Variants in ESR2 observed in about 807,000 individuals in gnomAD.
The protein encoded by ESR2 is estrogen receptor 2, also known as estrogen receptor beta.
Under a neutral mutation model 49.6 loss-of-function variants are expected in ESR2, and 36 were observed. That is an observed-to-expected ratio of 0.73 (90% CI 0.56 to 0.96). The LOEUF (loss-of-function observed/expected upper bound fraction) is 0.96. ESR2 is among the 40% of genes least tolerant of loss of function. The pLI, the probability that ESR2 is intolerant of heterozygous loss-of-function variation, is 0.00. For missense variants in ESR2, 714 were observed against 693.0 expected (o/e 1.03, Z -0.34); for synonymous variants, 320 against 266.1 (o/e 1.20, Z -1.97).
At chr14:64,240,351 T>C (rs1244599295) in intron 7 of ESR2, among the ~76,000 whole-genome samples, 1 of 152,248 alleles carries the variant, frequency 6.6e-6, no homozygotes, top group African/African-American at 2.4e-5. Context: ...TAACATGGAA[T>C]AGAGAAGTTC....
chr14:64,233,077 C>A lies in ESR2; in HGVS notation c.*60G>T. The A allele has an allele frequency of 6.4e-7, 1 of 1,571,680 alleles. No individual in the cohort carries two copies. Among genetic ancestry groups the A allele is most frequent in the Non-Finnish European group, 8.7e-7 (1 of 1,154,606 alleles). On this transcript the variant is annotated 3_prime_UTR_variant, in exon 9 of 9. Coordinates refer to ENST00000341099, the MANE Select transcript of ESR2 (RefSeq NM_001437.3). ...AAAGATGAAGCCCAGGCTCCTGACA[C>A]ACTGGAGTTCACGCTTCAGCCTGTG...
intron 1 of ESR2, among the ~76,000 whole-genome samples, chr14:64,319,272 T>G (rs2077297028): frequency 6.6e-6 from 1 of 151,962 alleles, no homozygotes; most frequent in African/African-American, 2.4e-5. Context: ...TCACAAAAAC[T>G]AACTCAAAAT....
intron 1 of ESR2, among the ~76,000 whole-genome samples, chr14:64,309,787 T>C (rs2077162361): frequency 6.6e-6 from 1 of 151,828 alleles, no homozygotes; most frequent in Non-Finnish European, 1.5e-5. Context: ...TTGACTAACA[T>C]GGTGAAAGCT....
Position 64,232,683 on chromosome 14 carries a change from G to C in ESR2, c.*454C>G, listed in dbSNP as rs957475574. 4 of 157,780 alleles carry C rather than the reference G, an allele frequency of 2.5e-5. No homozygotes were observed. Among genetic ancestry groups the C allele is most frequent in the African/African-American group, 9.6e-5 (4 of 41,602 alleles). 9.8% of individuals were successfully genotyped at this position (157,780 alleles called of 1,614,324 possible). ...TTTCAATCTTACAATGGAGTGGTCCGGAAAACAGCAAAGGTCAACTCTCAG... is the reference window on the plus strand; with the variant it reads ...TTTCAATCTTACAATGGAGTGGTCCCGAAAACAGCAAAGGTCAACTCTCAG... On this transcript the variant is annotated 3_prime_UTR_variant, in exon 9 of 9. Transcript: ENST00000341099.
intron 1 of ESR2, among the ~76,000 whole-genome samples, chr14:64,285,594 G>A (rs892571558): frequency 1.3e-5 from 2 of 152,032 alleles, no homozygotes; most frequent in Non-Finnish European, 2.9e-5. Flanking sequence ...TTGGGAGGCC[G>A]AGGTGGGTGG....
chr14:64,278,538 T>C (rs2076601799), intron 3 of ESR2, among the ~76,000 whole-genome samples: 1 of 152,196 alleles, frequency 6.6e-6, no homozygotes, highest in Admixed American at 6.5e-5. Context: ...GTTGCTTTTC[T>C]TAACTGGCAA....
chr14:64,311,050 T>C (rs949937240), intron 1 of ESR2, among the ~76,000 whole-genome samples: 2 of 152,184 alleles, frequency 1.3e-5, no homozygotes, highest in Non-Finnish European at 2.9e-5. Flanking sequence ...AGATTTTTAC[T>C]CACAGTTCTC....
chr14:64,237,976 G>A (rs549753226), intron 7 of ESR2, among the ~76,000 whole-genome samples: 24 of 152,224 alleles, frequency 1.6e-4, no homozygotes, highest in Admixed American at 3.9e-4. Flanking sequence ...ACCACATACC[G>A]TGAATAAACT....
chr14:64,337,728 A>C (rs1245615819), intron 1 of ESR2, among the ~76,000 whole-genome samples: 1 of 152,208 alleles, frequency 6.6e-6, no homozygotes, highest in Admixed American at 6.5e-5. Context: ...GACTACTATA[A>C]AATATCCTCA....
intron 1 of ESR2, among the ~76,000 whole-genome samples, chr14:64,319,511 G>A (rs1214752998): frequency 6.6e-6 from 1 of 152,070 alleles, no homozygotes; most frequent in East Asian, 1.9e-4. Context: ...GGAGATAATT[G>A]TTGCAAAAGA....
At chr14:64,227,977 C>G, downstream of ESR2, 7 of 1,580,422 alleles carry the variant, frequency 4.4e-6, no homozygotes, top group Non-Finnish European at 6.0e-6. Context: ...TACAGAAAAT[C>G]TATCCAAATA....
chr14:64,256,086 G>A (rs1022132095), intron 6 of ESR2, among the ~76,000 whole-genome samples: 3 of 152,178 alleles, frequency 2.0e-5, no homozygotes, highest in Non-Finnish European at 1.5e-5. Flanking sequence ...ATCCTCCCAC[G>A]CTATGCAGAG....
chr14:64,285,534 A>G (rs578008525), intron 1 of ESR2, among the ~76,000 whole-genome samples: 1 of 152,244 alleles, frequency 6.6e-6, no homozygotes, highest in East Asian at 1.9e-4. Flanking sequence ...AAAATGATAG[A>G]GGTGCATAGG....
chr14:64,256,924 G>T (rs146087066), intron 6 of ESR2, among the ~76,000 whole-genome samples: 309 of 152,212 alleles, frequency 2.0e-3, no homozygotes, highest in African/African-American at 7.2e-3. Flanking sequence ...ATTTTTAATG[G>T]AGAAAAATCT....
downstream of ESR2, chr14:64,227,849 A>G (rs1374779675): frequency 4.4e-6 from 7 of 1,589,756 alleles, no homozygotes; most frequent in Admixed American, 5.2e-5. Context: ...CAAATCTTTC[A>G]TTGCCCACAT....
intron 1 of ESR2, chr14:64,330,684 T>C (rs1415938723): frequency 6.6e-6 from 1 of 152,282 alleles, no homozygotes; most frequent in East Asian, 1.9e-4. Context: ...ATCTAAATGT[T>C]AACCTCATCC....
rs139253189 is a variant in ESR2 at position 64,260,161 on chromosome 14, T to C, written c.952+288A>G. Reference sequence around the variant, plus strand: ...ATCTAGCCATGGGAAAAGAAGGCAGTCAAGAATAGAAATGGCTGGGCCACG... The same window carrying C: ...ATCTAGCCATGGGAAAAGAAGGCAGCCAAGAATAGAAATGGCTGGGCCACG... On this transcript the variant is annotated intron_variant, in intron 5 of 8. Transcript: ENST00000341099. 577 of 653,904 alleles carry C rather than the reference T, an allele frequency of 8.8e-4. 1 individual carries two copies. The highest frequency in any genetic ancestry group is 1.4e-3 in the Non-Finnish European group (481 of 349,854). 40.5% of individuals were successfully genotyped at this position (653,904 alleles called of 1,614,324 possible).
At chr14:64,242,030 TGAGG>T (rs550624391) in intron 7 of ESR2, among the ~76,000 whole-genome samples, 90 of 152,328 alleles carry the variant, frequency 5.9e-4, no homozygotes, top group African/African-American at 2.1e-3. Context: ...TTTAATGGAT[TGAGG>T]AAGTTTCCTT....
rs757984082 is a variant in ESR2 at position 64,280,088 on chromosome 14, T to C, written c.428A>G (p.Lys143Arg). 1.2e-6 allele frequency: 2 copies of C among 1,614,130 alleles called. No individual in the cohort carries two copies. Among genetic ancestry groups the C allele is most frequent in the South Asian group, 2.2e-5 (2 of 91,086 alleles). ...CASPVTGPGS[K>R]RDAHFCAVCS... ...GACAGCGCAGAAGTGAGCATCCCTC[T>C]TTGAACCTGGACCAGTAACAGGGCT... Residue 143 changes from lysine (K) to arginine (R), a missense_variant, in exon 3 of 9, where the codon AAG (lysine) becomes AGG (arginine). Lys to Arg is a conservative substitution (Grantham distance 26, BLOSUM62 2). Transcript: ENST00000341099.
Sources: gnomAD v4.1 joint callset for allele counts (sites outside exome capture counted in the v4.1 genomes callset) on GRCh38, gnomAD v4.1.1 for gene constraint, MANE v1.5 for transcripts, NCBI Gene and HGNC (gene_info 2026-07-23, HGNC 2026-07-21) for gene names.